Variants in LUC7L2 observed in about 807,000 individuals in gnomAD.
LUC7L2 encodes the protein LUC7 like 2, pre-mRNA splicing factor, also known as putative RNA-binding protein Luc7-like 2.
A neutral mutation model predicts 52.8 loss-of-function variants in LUC7L2; 25 were observed. The observed-to-expected ratio is 0.47, with a 90% CI of 0.34 to 0.66. The LOEUF (loss-of-function observed/expected upper bound fraction) is 0.66. Among genes scored for constraint, LUC7L2 ranks in the 30% least tolerant of loss-of-function variants. The pLI is 0.01. For missense variants in LUC7L2, 328 were observed against 497.8 expected (o/e 0.66, Z 3.25); for synonymous variants, 144 against 160.9 (o/e 0.89, Z 0.80).
intron 9 of LUC7L2, among the ~76,000 whole-genome samples, chr7:139,419,377 G>A (rs979351968): frequency 2.0e-5 from 3 of 152,158 alleles, no homozygotes; most frequent in Non-Finnish European, 4.4e-5. Flanking sequence ...AATATCCTAG[G>A]CAAATGCAGA....
chr7:139,395,288 A>G (rs1218728499), intron 2 of LUC7L2, among the ~76,000 whole-genome samples: 1 of 152,178 alleles, frequency 6.6e-6, no homozygotes, highest in Admixed American at 6.5e-5. Flanking sequence ...CTTTCTTAGG[A>G]ATATTTAAGT....
chr7:139,370,856 A>G (rs1234380496), intron 1 of LUC7L2, among the ~76,000 whole-genome samples: 1 of 145,722 alleles, frequency 6.9e-6, no homozygotes. Context: ...TATTACGTGA[A>G]CTCAGCAGCT....
chr7:139,355,895 T>C (rs1799591071), upstream of LUC7L2, among the ~76,000 whole-genome samples: 1 of 152,224 alleles, frequency 6.6e-6, no homozygotes, highest in African/African-American at 2.4e-5. Flanking sequence ...GAAAACTCAT[T>C]GTTCAATGAG....
chr7:139,409,360 A>C (rs1332843081), intron 6 of LUC7L2, among the ~76,000 whole-genome samples: 2 of 152,108 alleles, frequency 1.3e-5, no homozygotes, highest in African/African-American at 4.8e-5. Context: ...GAAATTTTAC[A>C]CATTTTCCAC....
At chr7:139,340,586 C>T (rs1304519563) in intron 1 of LUC7L2, 1 of 397,504 alleles carries the variant, frequency 2.5e-6, no homozygotes, top group Admixed American at 4.4e-5. Context: ...CGTCACCCCT[C>T]ACGTGGGCGC....
At chr7:139,382,720 G>A (rs1801101058) in intron 2 of LUC7L2, among the ~76,000 whole-genome samples, 1 of 152,098 alleles carries the variant, frequency 6.6e-6, no homozygotes, top group Admixed American at 6.6e-5. Context: ...AAATGTATTT[G>A]CTTATTTGAA....
intron 1 of LUC7L2, among the ~76,000 whole-genome samples, chr7:139,347,309 C>G (rs7788035): frequency 6.6e-6 from 1 of 152,050 alleles, no homozygotes; most frequent in Admixed American, 6.6e-5. Context: ...CAGTTCAAGC[C>G]GGGTGTGGTG....
At chr7:139,366,228 T>C (rs1378421985) in intron 1 of LUC7L2, among the ~76,000 whole-genome samples, 1 of 152,256 alleles carries the variant, frequency 6.6e-6, no homozygotes, top group Non-Finnish European at 1.5e-5. Context: ...TTGTGAACCA[T>C]GTACAACTGA....
At chr7:139,390,239 C>CTT (rs1390762340) in intron 2 of LUC7L2, among the ~76,000 whole-genome samples, 15 of 146,564 alleles carry the variant, frequency 1.0e-4, no homozygotes, top group Admixed American at 2.7e-4. Flanking sequence ...CTCTCTCTCT[C>CTT]TTTTTTTCTT....
intron 1 of LUC7L2, among the ~76,000 whole-genome samples, chr7:139,342,839 C>T (rs952558926): frequency 2.0e-5 from 3 of 152,142 alleles, no homozygotes; most frequent in African/African-American, 7.2e-5. Context: ...TTGAGAGAGA[C>T]TTGGTAATGG....
Position 139,422,986 on chromosome 7 carries a change from G to A in LUC7L2, c.*646G>A, listed in dbSNP as rs963169908. The A allele has an allele frequency of 7.5e-6, 3 of 398,566 alleles. No homozygotes were observed. Among genetic ancestry groups the A allele is most frequent in the East Asian group, 3.6e-5 (1 of 28,066 alleles). 24.7% of individuals were successfully genotyped at this position (398,566 alleles called of 1,614,324 possible). The stretch of plus-strand genomic sequence containing the variant: ...TTTTATTGAAATTTTGAAATCAAAC[G>A]TCTTGATTTTTCTGTTCTGTTGAAT... On this transcript the variant is annotated 3_prime_UTR_variant, in exon 10 of 10. Transcript: ENST00000354926.
At chr7:139,410,284 A>G (rs1187127739) in intron 7 of LUC7L2, among the ~76,000 whole-genome samples, 1 of 135,282 alleles carries the variant, frequency 7.4e-6, no homozygotes, top group African/African-American at 3.5e-5. Context: ...GCACCAGGTT[A>G]GCATAGAATT....
chr7:139,399,769 G>T (rs573071284), intron 3 of LUC7L2, among the ~76,000 whole-genome samples: 2 of 152,008 alleles, frequency 1.3e-5, no homozygotes, highest in African/African-American at 4.8e-5. Flanking sequence ...GCACCCGGCC[G>T]TTTGGGGGAT....
chr7:139,359,842 CG>C, upstream of LUC7L2: 1 of 409,476 alleles, frequency 2.4e-6, no homozygotes, highest in Non-Finnish European at 4.3e-6. Flanking sequence ...TACAGCTGGA[CG>C]CCAGTTGGTG....
At chr7:139,341,599 CG>C in intron 1 of LUC7L2, 1 of 1,552,932 alleles carries the variant, frequency 6.4e-7, no homozygotes, top group Middle Eastern at 1.7e-4. Context: ...GTGGGGAGCA[CG>C]GTGTTTAATT....
At chr7:139,359,699 C>T (rs141235694), upstream of LUC7L2, 14 of 398,186 alleles carry the variant, frequency 3.5e-5, no homozygotes, top group African/African-American at 1.8e-4. Context: ...CGCCTCGGGG[C>T]GGATCCGGCT....
At chr7:139,349,963 C>T (rs1302964018) in intron 1 of LUC7L2, among the ~76,000 whole-genome samples, 1 of 152,146 alleles carries the variant, frequency 6.6e-6, no homozygotes, top group Non-Finnish European at 1.5e-5. Flanking sequence ...TGCCCCTTTG[C>T]AGTCAATTCT....
Position 139,359,901 on chromosome 7 carries a change from TCGTGGCGACGGTGGCGGCGAGCGG to T in LUC7L2, c.-357_-334del. ...AGCGCGAGGAGCGTGCGCGCTCCCG[TCGTGGCGACGGTGGCGGCGAGCGG>T]CGTCAGAGCTTGAGGGGGGGTTGAC... On this transcript the variant is annotated 5_prime_UTR_variant, in exon 1 of 10. Transcript: ENST00000354926. 3 of 415,372 alleles carry T rather than the reference TCGTGGCGACGGTGGCGGCGAGCGG, an allele frequency of 7.2e-6. No homozygotes were observed. The highest frequency in any genetic ancestry group is 8.5e-6 in the Non-Finnish European group (2 of 234,602). 25.7% of individuals were successfully genotyped at this position (415,372 alleles called of 1,614,324 possible). A position where few individuals can be genotyped will look rare whatever the true frequency, so the allele number is the denominator to read the frequency against.
At chr7:139,393,864 G>C (rs1013784785) in intron 2 of LUC7L2, among the ~76,000 whole-genome samples, 1 of 152,152 alleles carries the variant, frequency 6.6e-6, no homozygotes, top group Non-Finnish European at 1.5e-5. Context: ...ATCTGCCTTG[G>C]CTATACCTAC....
Sources: gnomAD v4.1 joint callset for allele counts (sites outside exome capture counted in the v4.1 genomes callset) on GRCh38, gnomAD v4.1.1 for gene constraint, MANE v1.5 for transcripts, NCBI Gene and HGNC (gene_info 2026-07-23, HGNC 2026-07-21) for gene names.